The following ABCG4 variants were observed in gnomAD, a reference collection of about 807,000 sequenced individuals.
ABCG4 encodes ATP binding cassette subfamily G member 4, also known as ATP-binding cassette sub-family G member 4.
A neutral mutation model predicts 64.6 loss-of-function variants in ABCG4; 35 were observed. That is an observed-to-expected ratio of 0.54 (90% confidence interval 0.41 to 0.72). ABCG4 has a LOEUF of 0.72. Among genes scored for constraint, ABCG4 ranks in the 30% least tolerant of loss-of-function variants. The pLI is 0.00. For missense variants in ABCG4, 610 were observed against 846.3 expected (o/e 0.72, Z 3.46); for synonymous variants, 326 against 348.2 (o/e 0.94, Z 0.71).
At chr11:119,152,523 A>T (rs1436083630) in intron 2 of ABCG4, among the ~76,000 whole-genome samples, 1 of 152,088 alleles carries the variant, frequency 6.6e-6, no homozygotes, top group Non-Finnish European at 1.5e-5. Context: ...TGGGGGTTAG[A>T]GGGGGCAGCA....
At position 119,158,290 on chromosome 11, in the gene ABCG4, C is replaced by T. The variant is rs1948294901; in HGVS notation, c.1125C>T (p.Cys375=). Residue 375 remains cysteine (C), a synonymous_variant, in exon 10 of 15, where the codon TGC becomes TGT. Coordinates refer to ENST00000619701, the MANE Select transcript of ABCG4 (RefSeq NM_022169.5). This position sits in a 1 kb window ranked among gnomAD's most constrained non-coding sequence, Gnocchi z 4.5. The part of the protein sequence containing the change: ...TFATSTLTQF[C]ILFKRTFLSI... Reference sequence around the variant, plus strand: ...CCACCAGCACCCTCACACAGTTCTGCATCCTCTTCAAGAGGACCTTCCTGT... The same window carrying T: ...CCACCAGCACCCTCACACAGTTCTGTATCCTCTTCAAGAGGACCTTCCTGT... 1.9e-6 allele frequency: 3 copies of T among 1,614,004 alleles called. No individual in the cohort carries two copies. Among genetic ancestry groups the T allele is most frequent in the Non-Finnish European group, 2.5e-6 (3 of 1,179,890 alleles).
chr11:119,156,585 C>G lies in ABCG4; in HGVS notation c.832C>G (p.Gln278Glu), dbSNP rs1484701613. The G allele has an allele frequency of 1.9e-6, 3 of 1,614,038 alleles. 1 individual carries two copies. In the South Asian group the frequency reaches 3.3e-5, roughly 18 times the overall value. ...GCAGCTCTACATCCTGAGCCAGGGTCAGTGCATCTTCAAAGGCGTGGTCAC... is the reference window on the plus strand; with the variant it reads ...GCAGCTCTACATCCTGAGCCAGGGTGAGTGCATCTTCAAAGGCGTGGTCAC... ...FDKLYILSQG[Q>E]CIFKGVVTNL... is the part of the protein sequence containing the mutation. Residue 278 changes from glutamine (Q) to glutamate (E), a missense_variant, in exon 8 of 15, where the codon CAG (glutamine) becomes GAG (glutamate). Coordinates refer to ENST00000619701, the MANE Select transcript of ABCG4 (RefSeq NM_022169.5). This position sits in a 1 kb window ranked among gnomAD's most constrained non-coding sequence, Gnocchi z 5.5.
chr11:119,154,242 C>T lies in ABCG4; in HGVS notation c.357-18C>T. 6.2e-7 allele frequency: 1 copy of T among 1,613,912 alleles called. No individual in the cohort carries two copies. Among genetic ancestry groups the T allele is most frequent in the Middle Eastern group, 1.7e-4 (1 of 6,060 alleles). ...CTGAAAGGGCATTGACCCCCATCCT[C>T]AACCCACATCCCTGCAGGGAGTCTG... On this transcript the variant is annotated intron_variant, in intron 3 of 14. Coordinates refer to ENST00000619701, the MANE Select transcript of ABCG4 (RefSeq NM_022169.5). The surrounding 1 kb of genome is among the most constrained non-coding windows in gnomAD (Gnocchi z 7.0).
Position 119,155,385 on chromosome 11 carries a change from A to G in ABCG4, c.686+470A>G, listed in dbSNP as rs941731719. 5.3e-5 allele frequency among the ~76,000 whole-genome samples: 8 copies of G among 152,114 alleles called. No homozygotes were observed. The highest frequency in any genetic ancestry group is 2.1e-4 in the South Asian group (1 of 4,826). On this transcript the variant is annotated intron_variant, in intron 6 of 14. Transcript: ENST00000619701. The surrounding 1 kb of genome is among the most constrained non-coding windows in gnomAD (Gnocchi z 4.5). Reference sequence around the variant, plus strand: ...CACCCAGGCTGGAGTGCAGTGGCACAATCTCGGCTCACTGCAACCTCTGAC... The same window carrying G: ...CACCCAGGCTGGAGTGCAGTGGCACGATCTCGGCTCACTGCAACCTCTGAC...
chr11:119,158,624 A>G lies in ABCG4; in HGVS notation c.1235A>G (p.His412Arg), dbSNP rs1466124366. The change falls in exon 11 of 15, where the codon CAT becomes CGT. Residue 412 changes from histidine (H) to arginine (R), a missense_variant. By Grantham distance (29) the His-to-Arg change is conservative (BLOSUM62 0). Transcript: ENST00000619701. The surrounding 1 kb of genome is among the most constrained non-coding windows in gnomAD (Gnocchi z 4.5). Reference protein sequence around the residue: ...IGVLIGLLYLHIGDDASKVFN... With the variant: ...IGVLIGLLYLRIGDDASKVFN... ...GTGCTCATCGGCCTCCTCTACCTGC[A>G]TATTGGCGACGATGCCAGCAAGGTC... 4.3e-6 allele frequency: 7 copies of G among 1,614,148 alleles called. No homozygotes were observed. The highest frequency in any genetic ancestry group is 5.9e-6 in the Non-Finnish European group (7 of 1,180,016).
Position 119,154,987 on chromosome 11 carries a change from T to A in ABCG4, c.686+72T>A. ...CCCTGAGCCAGGGCTGGAGGCTGCA[T>A]CTTCTCCATGATCCAGAGCCTCTGT... On this transcript the variant is annotated intron_variant, in intron 6 of 14. Coordinates refer to ENST00000619701, the MANE Select transcript of ABCG4 (RefSeq NM_022169.5). This position sits in a 1 kb window ranked among gnomAD's most constrained non-coding sequence, Gnocchi z 7.0. 1 of 1,538,786 alleles carries A rather than the reference T, an allele frequency of 6.5e-7. No homozygotes were observed. The highest frequency in any genetic ancestry group is 8.8e-7 in the Non-Finnish European group (1 of 1,135,664).
intron 9 of ABCG4, among the ~76,000 whole-genome samples, chr11:119,157,773 G>A (rs578163378): frequency 1.3e-5 from 2 of 152,312 alleles, no homozygotes; most frequent in South Asian, 2.1e-4. Context: ...GGCTGAGGCA[G>A]GAGAATGGCG....
Position 119,161,231 on chromosome 11 carries a change from G to A in ABCG4, c.*125G>A. Reference sequence around the variant, plus strand: ...GGCGGGGCTATCCTCTCCTCCCTTGGCTCCTCCACAGGCTGGCTGTCGGAC... The same window carrying A: ...GGCGGGGCTATCCTCTCCTCCCTTGACTCCTCCACAGGCTGGCTGTCGGAC... On this transcript the variant is annotated 3_prime_UTR_variant, in exon 15 of 15. Transcript: ENST00000619701. The A allele has an allele frequency of 1.1e-6, 1 of 878,266 alleles. No homozygotes were observed. Among genetic ancestry groups the A allele is most frequent in the Non-Finnish European group, 1.7e-6 (1 of 589,078 alleles). The allele number at this position is 878,266 out of a possible 1,614,324, so 54.4% of individuals were successfully genotyped here.
chr11:119,155,055 C>G lies in ABCG4; in HGVS notation c.686+140C>G. The stretch of plus-strand genomic sequence containing the variant: ...CAAGATAAGGGCTTCTTCCTCATCT[C>G]CACCCTTGCCAATTCTGTTGCTGTG... On this transcript the variant is annotated intron_variant, in intron 6 of 14. Coordinates refer to ENST00000619701, the MANE Select transcript of ABCG4 (RefSeq NM_022169.5). The surrounding 1 kb of genome is among the most constrained non-coding windows in gnomAD (Gnocchi z 4.5). 1 of 1,216,848 alleles carries G rather than the reference C, an allele frequency of 8.2e-7. No individual in the cohort carries two copies. Among genetic ancestry groups the G allele is most frequent in the Non-Finnish European group, 1.1e-6 (1 of 876,162 alleles). 75.4% of individuals were successfully genotyped at this position (1,216,848 alleles called of 1,614,324 possible).
rs1384896101 is a variant in ABCG4, at chr11:119,155,425, G to A, written c.686+510G>A. 6.6e-6 allele frequency among the ~76,000 whole-genome samples: 1 copy of A among 152,170 alleles called. No homozygotes were observed. Among genetic ancestry groups the A allele is most frequent in the African/African-American group, 2.4e-5 (1 of 41,438 alleles). On this transcript the variant is annotated intron_variant, in intron 6 of 14. Transcript: ENST00000619701. The surrounding 1 kb of genome is among the most constrained non-coding windows in gnomAD (Gnocchi z 4.5). ...CAACCTCTGACTCCCGGGTTCAAGC[G>A]ATTCTCCTGCCTCAGCCTCTTGAGT...
chr11:119,160,530 C>G lies in ABCG4; in HGVS notation c.1597-8C>G, dbSNP rs866993934. ...TATGATGGCCTGGCCCCCTCCCTTC[C>G]CCTCTAGGTGGCCACTTTTGTGGGC... is the stretch of plus-strand genomic sequence containing the variant. On this transcript the variant is annotated splice_region_variant and splice_polypyrimidine_tract_variant and intron_variant, in intron 13 of 14. Coordinates refer to ENST00000619701, the MANE Select transcript of ABCG4 (RefSeq NM_022169.5). This position sits in a 1 kb window ranked among gnomAD's most constrained non-coding sequence, Gnocchi z 4.6. 3.7e-6 allele frequency: 6 copies of G among 1,608,766 alleles called. No homozygotes were observed. In the Admixed American group the frequency reaches 1.0e-4, roughly 27 times the overall value.
chr11:119,158,988 T>C lies in ABCG4; in HGVS notation c.1437+59T>C. Reference sequence around the variant, plus strand: ...CATCTTGTCTTGCTCCTTCTATCCTTGCTTTCTTGCCTCCCTCAAACTTGT... The same window carrying C: ...CATCTTGTCTTGCTCCTTCTATCCTCGCTTTCTTGCCTCCCTCAAACTTGT... On this transcript the variant is annotated intron_variant, in intron 12 of 14. Coordinates refer to ENST00000619701, the MANE Select transcript of ABCG4 (RefSeq NM_022169.5). The surrounding 1 kb of genome is among the most constrained non-coding windows in gnomAD (Gnocchi z 4.5). The C allele has an allele frequency of 6.5e-7, 1 of 1,527,782 alleles. No homozygotes were observed. The highest frequency in any genetic ancestry group is 9.1e-7 in the Non-Finnish European group (1 of 1,103,198). 94.6% of individuals were successfully genotyped at this position (1,527,782 alleles called of 1,614,324 possible).
rs115576839 is a variant in ABCG4, at chr11:119,152,064, G to A, written c.238+1861G>A. Among the ~76,000 whole-genome samples, 359 of 152,344 alleles carry A rather than the reference G, an allele frequency of 2.4e-3. 4 individuals are homozygous for A. The highest frequency in any genetic ancestry group is 8.3e-3 in the African/African-American group (345 of 41,586). On this transcript the variant is annotated intron_variant, in intron 2 of 14. Transcript: ENST00000619701. ...CTGTAATTAATTGAGGGGAAGGTTCGTCGTTGCCAGTTTCTTCTCCTGCAA... is the reference window on the plus strand; with the variant it reads ...CTGTAATTAATTGAGGGGAAGGTTCATCGTTGCCAGTTTCTTCTCCTGCAA...
Position 119,154,029 on chromosome 11 carries a change from A to G in ABCG4, c.242A>G (p.Tyr81Cys). 1 of 1,614,112 alleles carries G rather than the reference A, an allele frequency of 6.2e-7. No individual in the cohort carries two copies. The highest frequency in any genetic ancestry group is 8.5e-7 in the Non-Finnish European group (1 of 1,179,978). Residue 81 changes from tyrosine (Y) to cysteine (C), a missense_variant, in exon 3 of 15, where the codon TAT becomes TGT. Coordinates refer to ENST00000619701, the MANE Select transcript of ABCG4 (RefSeq NM_022169.5). The surrounding 1 kb of genome is among the most constrained non-coding windows in gnomAD (Gnocchi z 7.0). ...REGPCWRKRG[Y>C]KTLLKCLSGK... The stretch of plus-strand genomic sequence containing the variant: ...ATTCCTCCCCACCTCACTGCAGGTT[A>G]TAAGACCCTTCTCAAGTGCCTCTCA...
In ABCG4 at chr11:119,158,897, C is replaced by T; in HGVS notation, c.1405C>T (p.Leu469=). The T allele has an allele frequency of 1.9e-6, 3 of 1,614,230 alleles. No homozygotes were observed. The highest frequency in any genetic ancestry group is 2.5e-6 in the Non-Finnish European group (3 of 1,180,048). The change falls in exon 12 of 15, where the codon CTG becomes TTG. Residue 469 remains leucine, a synonymous_variant. Transcript: ENST00000619701. The surrounding 1 kb of genome is among the most constrained non-coding windows in gnomAD (Gnocchi z 4.5). The part of the protein sequence containing the change: ...NYWYSLKAYY[L]AKTMADVPFQ... Reference sequence around the variant, plus strand: ...CTGGTACAGCCTCAAAGCGTATTACCTGGCCAAGACCATGGCTGACGTGCC... The same window carrying T: ...CTGGTACAGCCTCAAAGCGTATTACTTGGCCAAGACCATGGCTGACGTGCC...
chr11:119,160,482 C>A lies in ABCG4; in HGVS notation c.1597-56C>A. 1 of 1,608,240 alleles carries A rather than the reference C, an allele frequency of 6.2e-7. No individual in the cohort carries two copies. The highest frequency in any genetic ancestry group is 8.5e-7 in the Non-Finnish European group (1 of 1,178,638). ...AGGGTTAGGGTGGAGCTCTAGGAAA[C>A]CTGGGTTTGTCCTGGTCACCCCTAT... is the stretch of plus-strand genomic sequence containing the variant. On this transcript the variant is annotated intron_variant, in intron 13 of 14. Coordinates refer to ENST00000619701, the MANE Select transcript of ABCG4 (RefSeq NM_022169.5). This position sits in a 1 kb window ranked among gnomAD's most constrained non-coding sequence, Gnocchi z 4.6.
chr11:119,149,928 A>G lies in ABCG4; in HGVS notation c.-12-26A>G. On this transcript the variant is annotated intron_variant, in intron 1 of 14. Coordinates refer to ENST00000619701, the MANE Select transcript of ABCG4 (RefSeq NM_022169.5). The surrounding 1 kb of genome is among the most constrained non-coding windows in gnomAD (Gnocchi z 8.3). The stretch of plus-strand genomic sequence containing the variant: ...TGAGCCGGGCTCGGTGGTCTGCCCC[A>G]AACTGAGCAGGCCCTCCCCTTGCAG... 1.3e-6 allele frequency: 2 copies of G among 1,591,246 alleles called. No homozygotes were observed. Among genetic ancestry groups the G allele is most frequent in the Non-Finnish European group, 1.7e-6 (2 of 1,175,278 alleles).
rs191294775 is a variant in ABCG4 at position 119,160,031 on chromosome 11, G to A, written c.1438-196G>A. On this transcript the variant is annotated intron_variant, in intron 12 of 14. Coordinates refer to ENST00000619701, the MANE Select transcript of ABCG4 (RefSeq NM_022169.5). This position sits in a 1 kb window ranked among gnomAD's most constrained non-coding sequence, Gnocchi z 4.6. ...GTGGACCAAACGGAAGACGTGAGACGAGATAAGTGATGGTCATATGGCCAG... is the reference window on the plus strand; with the variant it reads ...GTGGACCAAACGGAAGACGTGAGACAAGATAAGTGATGGTCATATGGCCAG... 5.3e-5 allele frequency among the ~76,000 whole-genome samples: 8 copies of A among 152,004 alleles called. No homozygotes were observed. In the East Asian group the frequency reaches 7.8e-4, roughly 15 times the overall value.
In ABCG4 at chr11:119,162,114, C is replaced by T. The variant is rs1377866916; in HGVS notation, c.*1008C>T. On this transcript the variant is annotated 3_prime_UTR_variant, in exon 15 of 15. Transcript: ENST00000619701. ...CCTCCTGGGGATCCCATGTTGGAGACTCTAAGGATAAGGCTGGTGCTGCCC... is the reference window on the plus strand; with the variant it reads ...CCTCCTGGGGATCCCATGTTGGAGATTCTAAGGATAAGGCTGGTGCTGCCC... 1.3e-5 allele frequency: 2 copies of T among 152,890 alleles called. No homozygotes were observed. The highest frequency in any genetic ancestry group is 2.9e-5 in the Non-Finnish European group (2 of 68,230). The allele number at this position is 152,890 out of a possible 1,614,324, so 9.5% of individuals were successfully genotyped here.
Sources: allele counts gnomAD v4.1 joint callset (sites outside exome capture counted in the v4.1 genomes callset), GRCh38; gene constraint gnomAD v4.1.1; non-coding constraint Gnocchi (gnomAD v3.1); transcripts MANE v1.5; gene names NCBI Gene and HGNC (gene_info 2026-07-23, HGNC 2026-07-21).